Variants in STK33 observed in about 807,000 individuals in gnomAD.
STK33 encodes serine/threonine kinase 33, also known as serine/threonine-protein kinase 33.
In STK33, 52 loss-of-function variants were observed where a neutral mutation model predicts 58.0. The observed-to-expected ratio is 0.90, with a 90% CI of 0.72 to 1.13. The LOEUF is 1.13. Ranked by LOEUF, STK33 falls within the 50% of genes most tolerant of loss-of-function variation. The pLI is 0.00. For synonymous variants in STK33, 215 were observed against 200.1 expected (o/e 1.07, Z -0.63); for missense variants, 630 against 604.2 (o/e 1.04, Z -0.45).
chr11:8,346,925 C>A, the STK33 span, among the ~76,000 whole-genome samples: 1 of 152,206 alleles, frequency 6.6e-6, no homozygotes, highest in African/African-American at 2.4e-5. Context: ...TCAAGATGTG[C>A]AAAATCATAG....
intron 1 of STK33, among the ~76,000 whole-genome samples, chr11:8,504,359 A>G (rs547555503): frequency 5.0e-4 from 76 of 152,372 alleles, no homozygotes; most frequent in African/African-American, 1.8e-3. Context: ...AATTCTCACA[A>G]TGGCAACACC....
chr11:8,491,909 C>T (rs1296201636), intron 1 of STK33, among the ~76,000 whole-genome samples: 4 of 152,120 alleles, frequency 2.6e-5, no homozygotes, highest in African/African-American at 9.7e-5. Flanking sequence ...GATTTTGTCA[C>T]CACCAGGCCT....
At chr11:8,469,130 T>C (rs548556087) in intron 6 of STK33, among the ~76,000 whole-genome samples, 4 of 152,342 alleles carry the variant, frequency 2.6e-5, no homozygotes, top group South Asian at 2.1e-4. Context: ...GGTGCATCAA[T>C]TGACTCTTCC....
intron 8 of STK33, among the ~76,000 whole-genome samples, chr11:8,459,017 C>A (rs1051633367): frequency 1.3e-5 from 2 of 152,076 alleles, no homozygotes; most frequent in African/African-American, 4.8e-5. Context: ...TTGAACTGGA[C>A]CATATTTTTT....
At chr11:8,578,336 C>A (rs1958329116) in intron 1 of STK33, among the ~76,000 whole-genome samples, 1 of 151,884 alleles carries the variant, frequency 6.6e-6, no homozygotes, top group Non-Finnish European at 1.5e-5. Flanking sequence ...CTTGTAATAG[C>A]AAAATACTGG....
At chr11:8,401,187 C>G (rs1937849013) in intron 15 of STK33, among the ~76,000 whole-genome samples, 1 of 152,108 alleles carries the variant, frequency 6.6e-6, no homozygotes, top group South Asian at 2.1e-4. Context: ...AAGAACAAAG[C>G]TGGAGGCATC....
At chr11:8,353,942 G>A in the STK33 span, among the ~76,000 whole-genome samples, 1 of 152,176 alleles carries the variant, frequency 6.6e-6, no homozygotes, top group East Asian at 1.9e-4. Flanking sequence ...GCAGCCATGG[G>A]CCACAGCTGG....
the STK33 span, among the ~76,000 whole-genome samples, chr11:8,360,247 C>T: frequency 6.6e-5 from 10 of 152,216 alleles, no homozygotes; most frequent in African/African-American, 2.2e-4. Flanking sequence ...GGTGACTCCA[C>T]TTCAGGATGC....
At chr11:8,383,111 G>A in the STK33 span, among the ~76,000 whole-genome samples, 1 of 151,968 alleles carries the variant, frequency 6.6e-6, no homozygotes, top group East Asian at 1.9e-4. Context: ...TCCGAGGACT[G>A]GGGGTGACGG....
At chr11:8,520,155 C>G (rs1451725532) in intron 1 of STK33, among the ~76,000 whole-genome samples, 1 of 152,150 alleles carries the variant, frequency 6.6e-6, no homozygotes, top group Non-Finnish European at 1.5e-5. Context: ...ATGATCAAGT[C>G]AGCTTCATCC....
chr11:8,484,089 C>T (rs932367716), intron 1 of STK33, among the ~76,000 whole-genome samples: 15 of 152,198 alleles, frequency 9.9e-5, no homozygotes, highest in Middle Eastern at 3.4e-3. Context: ...AAACTTAAAA[C>T]GAAATGTTTG....
chr11:8,370,598 G>C, the STK33 span, among the ~76,000 whole-genome samples: 1 of 152,194 alleles, frequency 6.6e-6, no homozygotes, highest in Non-Finnish European at 1.5e-5. Flanking sequence ...CCATTCCTGA[G>C]GCTACAGATA....
chr11:8,380,288 A>C, the STK33 span, among the ~76,000 whole-genome samples: 1 of 152,174 alleles, frequency 6.6e-6, no homozygotes, highest in Non-Finnish European at 1.5e-5. Context: ...GGCCAGGCAC[A>C]GTGGTTCATG....
the STK33 span, among the ~76,000 whole-genome samples, chr11:8,385,542 G>A: frequency 6.6e-6 from 1 of 152,164 alleles, no homozygotes; most frequent in East Asian, 1.9e-4. Context: ...AATCCTCTAT[G>A]ATAGCACTCT....
At chr11:8,404,024 T>C (rs1287127631) in intron 15 of STK33, among the ~76,000 whole-genome samples, 1 of 152,246 alleles carries the variant, frequency 6.6e-6, no homozygotes, top group Non-Finnish European at 1.5e-5. Flanking sequence ...ATTATAGGCC[T>C]GCACAAGGTC....
intron 1 of STK33, among the ~76,000 whole-genome samples, chr11:8,586,998 G>A (rs1316023700): frequency 6.6e-6 from 1 of 152,138 alleles, no homozygotes; most frequent in Non-Finnish European, 1.5e-5. Flanking sequence ...TGAGTGCAGT[G>A]GCAACTGCAT....
At chr11:8,548,727 C>T (rs1956112042) in intron 1 of STK33, among the ~76,000 whole-genome samples, 1 of 152,118 alleles carries the variant, frequency 6.6e-6, no homozygotes, top group African/African-American at 2.4e-5. Context: ...ATTAATTCTC[C>T]CAATACATGA....
chr11:8,571,802 C>T lies in STK33; in HGVS notation c.-466+22281G>A, dbSNP rs1338889938. Among the ~76,000 whole-genome samples, 3 of 147,438 alleles carry T rather than the reference C, an allele frequency of 2.0e-5. No homozygotes were observed. The Admixed American group carries it at 2.0e-4, about 10-fold the overall frequency. On this transcript the variant is annotated intron_variant, in intron 1 of 15. Coordinates refer to ENST00000687296, the MANE Select transcript of STK33 (RefSeq NM_001352389.2). The stretch of plus-strand genomic sequence containing the variant: ...GACCCAAGATCGCGCCACTGCACTC[C>T]AGCCTGGGCGACAGAGCGAGACCCA...
the STK33 span, among the ~76,000 whole-genome samples, chr11:8,368,786 C>T: frequency 4.6e-5 from 7 of 152,320 alleles, no homozygotes; most frequent in African/African-American, 1.2e-4. Context: ...AATAACTTAC[C>T]GCATTTCCCC....
Sources: allele counts gnomAD v4.1 joint callset (sites outside exome capture counted in the v4.1 genomes callset), GRCh38; gene constraint gnomAD v4.1.1; transcripts MANE v1.5; gene names NCBI Gene and HGNC (gene_info 2026-07-23, HGNC 2026-07-21).